MUC17: variants seen among roughly 807,000 people sequenced by gnomAD.
The protein encoded by MUC17 is mucin 17, cell surface associated, also known as mucin-17.
Under a neutral mutation model 170.3 loss-of-function variants are expected in MUC17, and 190 were observed. The ratio of observed to expected loss-of-function variants is 1.12; its 90% CI spans 0.99 to 1.26. The LOEUF (loss-of-function observed/expected upper bound fraction) is 1.26, where lower values mean the gene tolerates loss of function less well. MUC17 is among the 50% of genes most tolerant of loss of function. The pLI, the probability that MUC17 is intolerant of heterozygous loss-of-function variation, is 0.00. For synonymous variants in MUC17, 2,325 were observed against 2,002.5 expected (o/e 1.16, Z -4.30); for missense variants, 6,415 against 5,530.0 (o/e 1.16, Z -5.08).
chr7:101,025,236 G>A (rs1794159352), intron 1 of MUC17, among the ~76,000 whole-genome samples: 2 of 151,946 alleles, frequency 1.3e-5, no homozygotes, highest in South Asian at 2.1e-4. Context: ...TGTGGTGTGC[G>A]CCTGTGGTCC....
Position 101,035,771 on chromosome 7 carries a change from A to C in MUC17, c.4355A>C (p.Glu1452Ala). Residue 1452 changes from glutamate to alanine, a missense_variant, in exon 3 of 13, where the codon GAA becomes GCA. Physicochemically the swap from Glu to Ala is moderately radical, Grantham distance 107. Transcript: ENST00000306151. ...GISIPTSTPSEGKTPLKSIPV... is the reference protein window; with the variant it reads ...GISIPTSTPSAGKTPLKSIPV... The stretch of plus-strand genomic sequence containing the variant: ...AGCATACCAACCTCAACTCCTAGTG[A>C]AGGAAAGACTCCATTAAAAAGTATA... The C allele has an allele frequency of 6.2e-7, 1 of 1,610,584 alleles. No individual in the cohort carries two copies.
chr7:101,037,859 G>A lies in MUC17; in HGVS notation c.6443G>A (p.Gly2148Asp), dbSNP rs369903488. 2.5e-6 allele frequency: 4 copies of A among 1,610,470 alleles called. No individual in the cohort carries two copies. The highest frequency in any genetic ancestry group is 3.4e-6 in the Non-Finnish European group (4 of 1,178,150). The change falls in exon 3 of 13, where the codon GGT becomes GAT. Residue 2148 changes from glycine (G) to aspartate (D), a missense_variant. Physicochemically the swap from Gly to Asp is moderately conservative, Grantham distance 94. Coordinates refer to ENST00000306151, the MANE Select transcript of MUC17 (RefSeq NM_001040105.2). ...AGTTCATCTCCTATACCTACTGAAG[G>A]TACCAGCATGCAAACCTCAACTTAT... ...EVSSSPIPTE[G>D]TSMQTSTYSD...
chr7:101,041,417 C>G lies in MUC17; in HGVS notation c.10001C>G (p.Thr3334Ser). Residue 3334 changes from threonine to serine, a missense_variant, in exon 3 of 13, where the codon ACT (threonine) becomes AGT (serine). Transcript: ENST00000306151. ...GACGGTACTAGCATGCCAACCTCAA[C>G]TTATAGTGAAGGAAGCACTCCACTA... Reference protein sequence around the residue: ...IADGTSMPTSTYSEGSTPLTN... With the variant: ...IADGTSMPTSSYSEGSTPLTN... The G allele has an allele frequency of 6.2e-7, 1 of 1,614,152 alleles. No homozygotes were observed. The highest frequency in any genetic ancestry group is 8.5e-7 in the Non-Finnish European group (1 of 1,180,012).
In MUC17 at chr7:101,037,526, C is replaced by A; in HGVS notation, c.6110C>A (p.Ser2037Ter). The A allele has an allele frequency of 6.2e-7, 1 of 1,613,914 alleles. No individual in the cohort carries two copies. The highest frequency in any genetic ancestry group is 8.5e-7 in the Non-Finnish European group (1 of 1,179,896). ...TTAGGTSIQT[S>*]TPSERTTPLA... ...GCAGGAGGTACCAGCATACAAACCT[C>A]AACTCCTAGTGAACGGACCACTCCA... The change falls in exon 3 of 13, where the codon TCA (serine) becomes TAA (stop). Residue 2037 changes from serine (S) to a stop codon, truncating the protein, a stop_gained. Transcript: ENST00000306151. LOFTEE classifies it high-confidence loss of function.
At chr7:101,020,358 AC>A (rs1794050409) in intron 1 of MUC17, 141 bp downstream of exon 1, 1 of 542,320 alleles carries the variant, frequency 1.8e-6, no homozygotes, top group Non-Finnish European at 3.0e-6. Context: ...CCCTGTGCCT[AC>A]CCCCTGGACT....
At position 101,038,669 on chromosome 7, in the gene MUC17, C is replaced by G; in HGVS notation, c.7253C>G (p.Ser2418Cys). ...GTCAGTTCTGAGGCTAGCACCCATT[C>G]CACAACTCCTGTTGACACCAGCACA... Reference protein sequence around the residue: ...PVVSSEASTHSTTPVDTSTPV... With the variant: ...PVVSSEASTHCTTPVDTSTPV... Residue 2418 changes from serine to cysteine, a missense_variant, in exon 3 of 13, where the codon TCC (serine) becomes TGC (cysteine). Physicochemically the swap from Ser to Cys is moderately radical, Grantham distance 112 (BLOSUM62 -1). Coordinates refer to ENST00000306151, the MANE Select transcript of MUC17 (RefSeq NM_001040105.2). The G allele has an allele frequency of 6.2e-7, 1 of 1,614,014 alleles. No individual in the cohort carries two copies. The highest frequency in any genetic ancestry group is 8.5e-7 in the Non-Finnish European group (1 of 1,179,988).
At chr7:101,027,142 A>G (rs1794195001) in intron 1 of MUC17, among the ~76,000 whole-genome samples, 2 of 152,180 alleles carry the variant, frequency 1.3e-5, no homozygotes, top group Non-Finnish European at 2.9e-5. Flanking sequence ...TATCTGGGCA[A>G]CATAGCAAGA....
intron 3 of MUC17, among the ~76,000 whole-genome samples, chr7:101,047,193 T>C (rs1794857734): frequency 6.6e-6 from 1 of 152,150 alleles, no homozygotes. Context: ...GAATGAGTCA[T>C]AACAGTAACG....
In MUC17 at chr7:101,042,571, G is replaced by T. The variant is rs1202575508; in HGVS notation, c.11155G>T (p.Val3719Phe). ...SEGSTLSTPSVVTSTPVTTST... is the reference protein window; with the variant it reads ...SEGSTLSTPSFVTSTPVTTST... The stretch of plus-strand genomic sequence containing the variant: ...GGGTAGCACCCTTTCAACACCTTCT[G>T]TTGTCACCAGCACACCTGTGACCAC... The change falls in exon 3 of 13, where the codon GTT becomes TTT. Residue 3719 changes from valine to phenylalanine, a missense_variant. Coordinates refer to ENST00000306151, the MANE Select transcript of MUC17 (RefSeq NM_001040105.2). 2.5e-6 allele frequency: 4 copies of T among 1,613,960 alleles called. No homozygotes were observed. Among genetic ancestry groups the T allele is most frequent in the Admixed American group, 3.3e-5 (2 of 59,998 alleles).
At position 101,034,258 on chromosome 7, in the gene MUC17, C is replaced by G. The variant is rs1265889785; in HGVS notation, c.2842C>G (p.Pro948Ala). 2 of 1,608,986 alleles carry G rather than the reference C, an allele frequency of 1.2e-6. No homozygotes were observed. Among genetic ancestry groups the G allele is most frequent in the African/African-American group, 2.7e-5 (2 of 74,594 alleles). ...TGAGGCTAGAACACTTTCAGCAACT[C>G]CTGTTGACACCAGCACACCTGTGAC... ...SSEARTLSAT[P>A]VDTSTPVTTS... is the part of the protein sequence containing the mutation. The change falls in exon 3 of 13, where the codon CCT becomes GCT. Residue 948 changes from proline to alanine, a missense_variant. By Grantham distance (27) the Pro-to-Ala change is conservative. Coordinates refer to ENST00000306151, the MANE Select transcript of MUC17 (RefSeq NM_001040105.2).
Position 101,035,047 on chromosome 7 carries a change from A to G in MUC17, c.3631A>G (p.Thr1211Ala). ...AACTGCTGAAGTTACCAGCATGCCA[A>G]CCTCAACTCCTGGAGAAAGAAGCAC... ...PPTAEVTSMP[T>A]STPGERSTPL... The change falls in exon 3 of 13, where the codon ACC becomes GCC. Residue 1211 changes from threonine to alanine, a missense_variant. Transcript: ENST00000306151. 1 of 1,613,972 alleles carries G rather than the reference A, an allele frequency of 6.2e-7. No homozygotes were observed. Among genetic ancestry groups the G allele is most frequent in the Middle Eastern group, 1.7e-4 (1 of 6,060 alleles).
In MUC17 at chr7:101,054,257, A is replaced by G. The variant is rs570712944; in HGVS notation, c.13363+821A>G. ...GTGAACTGAACCACTGGGGAGACAC[A>G]GGTTCCTTGAGGGTGGTAGATTTCT... is the stretch of plus-strand genomic sequence containing the variant. On this transcript the variant is annotated intron_variant, in intron 11 of 12. Coordinates refer to ENST00000306151, the MANE Select transcript of MUC17 (RefSeq NM_001040105.2). Among the ~76,000 whole-genome samples the G allele has an allele frequency of 1.2e-4, 18 of 152,220 alleles. No homozygotes were observed. In the East Asian group the frequency reaches 1.4e-3, roughly 11 times the overall value.
Position 101,037,033 on chromosome 7 carries a change from C to T in MUC17, c.5617C>T (p.Pro1873Ser). The change falls in exon 3 of 13, where the codon CCT (proline) becomes TCT (serine). Residue 1873 changes from proline to serine, a missense_variant. Pro to Ser is a moderately conservative substitution (Grantham distance 74). Coordinates refer to ENST00000306151, the MANE Select transcript of MUC17 (RefSeq NM_001040105.2). ...AGGAAGCACTGCATTAACAAGTATA[C>T]CTGTCAGCACCACAACAGTGGCCAG... ...SEGSTALTSI[P>S]VSTTTVASSE... 6.3e-7 allele frequency: 1 copy of T among 1,583,188 alleles called. No individual in the cohort carries two copies. The highest frequency in any genetic ancestry group is 8.5e-7 in the Non-Finnish European group (1 of 1,178,820).
chr7:101,044,411 TCA>T (rs1794799025), intron 3 of MUC17, among the ~76,000 whole-genome samples: 1 of 152,220 alleles, frequency 6.6e-6, no homozygotes, highest in Non-Finnish European at 1.5e-5. Context: ...CAATCTCCAC[TCA>T]CTACTTTTTG....
Position 101,036,627 on chromosome 7 carries a change from C to A in MUC17, c.5211C>A (p.Thr1737=), listed in dbSNP as rs1490925659. 1 of 1,613,348 alleles carries A rather than the reference C, an allele frequency of 6.2e-7. No homozygotes were observed. Among genetic ancestry groups the A allele is most frequent in the Non-Finnish European group, 8.5e-7 (1 of 1,179,742 alleles). ...CATCTCCTACAACTTCTGAAGGTAC[C>A]AGCATGCCAAACTCAACTCCTAGTG... ...ARSSPTTSEG[T]SMPNSTPSEG... Residue 1737 remains threonine, a synonymous_variant, in exon 3 of 13, where the codon ACC becomes ACA. Coordinates refer to ENST00000306151, the MANE Select transcript of MUC17 (RefSeq NM_001040105.2).
intron 12 of MUC17, among the ~76,000 whole-genome samples, chr7:101,057,426 C>T (rs1415548259): frequency 6.6e-6 from 1 of 152,126 alleles, no homozygotes; most frequent in Non-Finnish European, 1.5e-5. Context: ...GTGCTAGAAT[C>T]CAGGTAATGG....
rs569773585 is a variant in MUC17 at position 101,034,329 on chromosome 7, C to T, written c.2913C>T (p.Thr971=). Residue 971 remains threonine (T), a synonymous_variant, in exon 3 of 13, where the codon ACC becomes ACT. Coordinates refer to ENST00000306151, the MANE Select transcript of MUC17 (RefSeq NM_001040105.2). ...ATSSPTTAEG[T]SIPTSTPSEG... ...CATCTCCTACAACTGCTGAAGGTAC[C>T]AGCATACCAACCTCGACTCCTAGTG... 6.2e-7 allele frequency: 1 copy of T among 1,608,810 alleles called. No individual in the cohort carries two copies. The highest frequency in any genetic ancestry group is 2.3e-5 in the East Asian group (1 of 44,156).
intron 1 of MUC17, among the ~76,000 whole-genome samples, chr7:101,022,302 G>A (rs1393824850): frequency 6.6e-6 from 1 of 152,118 alleles, no homozygotes; most frequent in African/African-American, 2.4e-5. Context: ...GAGTAGCTGG[G>A]ATTACGGATG....
At position 101,036,711 on chromosome 7, in the gene MUC17, G is replaced by A. The variant is rs148096926; in HGVS notation, c.5295G>A (p.Glu1765=). The A allele has an allele frequency of 6.3e-5, 101 of 1,610,222 alleles. No individual in the cohort carries two copies. The African/African-American group carries it at 1.2e-3, about 19-fold the overall frequency. ...PVSTTPVLSS[E]ASTLSATPID... Reference sequence around the variant, plus strand: ...GCACCACGCCGGTACTCAGTTCTGAGGCTAGCACCCTTTCAGCAACTCCTA... The same window carrying A: ...GCACCACGCCGGTACTCAGTTCTGAAGCTAGCACCCTTTCAGCAACTCCTA... Residue 1765 remains glutamate (E), a synonymous_variant, in exon 3 of 13, where the codon GAG becomes GAA. Coordinates refer to ENST00000306151, the MANE Select transcript of MUC17 (RefSeq NM_001040105.2).
Sources: gnomAD v4.1 joint callset for allele counts (sites outside exome capture counted in the v4.1 genomes callset) on GRCh38, gnomAD v4.1.1 for gene constraint, MANE v1.5 for transcripts, NCBI Gene and HGNC (gene_info 2026-07-23, HGNC 2026-07-21) for gene names.